The following RYR2 variants were observed in gnomAD, a reference collection of about 807,000 sequenced individuals.
RYR2 encodes the protein cardiac muscle ryanodine receptor-calcium release channel.
RYR2 carries 227 observed loss-of-function variants against 601.1 expected under a neutral mutation model. The observed-to-expected ratio is 0.38, with a 90% CI of 0.34 to 0.42. The LOEUF (loss-of-function observed/expected upper bound fraction) is 0.42, where lower values mean the gene tolerates loss of function less well. Ranked by LOEUF, RYR2 falls within the 10% of genes least tolerant of loss-of-function variation. The probability of loss-of-function intolerance (pLI) is 1.00; values close to 1 mark genes in which losing one functional copy is unlikely to be tolerated. For missense variants in RYR2, 4,646 were observed against 6,156.5 expected, an observed-to-expected ratio of 0.75 and a Z score of 8.21; for synonymous variants, 2,223 against 2,175.1, an observed-to-expected ratio of 1.02 and a Z score of -0.61.
Position 237,174,065 on chromosome 1 carries a change from A to C in RYR2, c.49-96432A>C, listed in dbSNP as rs78091434. ...GGGCAAGACTCCATCTCAAAAAACA[A>C]AAAAAAAAGAGTATTGGTGTCATTT... is the stretch of plus-strand genomic sequence containing the variant. On this transcript the variant is annotated intron_variant, in intron 1 of 104. Transcript: ENST00000366574. Among the ~76,000 whole-genome samples the C allele has an allele frequency of 4.1e-3, 3 of 726 alleles. No individual in the cohort carries two copies. The East Asian group carries it at 0.048, about 12-fold the overall frequency. The allele number at this position is 726 out of a possible 152,430, so 0.5% of individuals were successfully genotyped here.
chr1:237,106,495 GC>G lies in RYR2; in HGVS notation c.48+63927del, dbSNP rs1668699925. ...ATGATGTTTCACCAGCTAAGATGGA[GC>G]GGTCCTGGAAAGAGTGAAGATCAAG... is the stretch of plus-strand genomic sequence containing the variant. On this transcript the variant is annotated intron_variant, in intron 1 of 104. Coordinates refer to ENST00000366574, the MANE Select transcript of RYR2 (RefSeq NM_001035.3). The surrounding 1 kb of genome is among the most constrained non-coding windows in gnomAD (Gnocchi z 4.4). Among the ~76,000 whole-genome samples the G allele has an allele frequency of 6.6e-6, 1 of 152,226 alleles. No homozygotes were observed. Among genetic ancestry groups the G allele is most frequent in the African/African-American group, 2.4e-5 (1 of 41,454 alleles).
At chr1:237,081,279 A>T (rs199624022) in intron 1 of RYR2, among the ~76,000 whole-genome samples, 1 of 106,062 alleles carries the variant, frequency 9.4e-6, no homozygotes. Context: ...TTAGAGTATA[A>T]TAAAAAAAAA....
At chr1:237,799,175 A>G (rs1026708732) in intron 97 of RYR2, among the ~76,000 whole-genome samples, 2 of 152,168 alleles carry the variant, frequency 1.3e-5, no homozygotes, top group African/African-American at 2.4e-5. Flanking sequence ...CCAAAATATT[A>G]CTTGAGTACT....
intron 48 of RYR2, among the ~76,000 whole-genome samples, chr1:237,644,735 C>G (rs1047959534): frequency 1.3e-5 from 2 of 151,368 alleles, no homozygotes; most frequent in African/African-American, 4.9e-5. Flanking sequence ...AATTGTAGAA[C>G]AAAACATAAT....
At chr1:237,111,065 T>C (rs950131200) in intron 1 of RYR2, among the ~76,000 whole-genome samples, 4 of 152,166 alleles carry the variant, frequency 2.6e-5, no homozygotes, top group African/African-American at 9.7e-5. Context: ...TGAAGAGCAA[T>C]TGGGTCCTTT....
chr1:237,647,137 A>T lies in RYR2; in HGVS notation c.7343-1307A>T, dbSNP rs114741035. 4.0e-3 allele frequency among the ~76,000 whole-genome samples: 611 copies of T among 152,316 alleles called. 1 individual carries two copies. The highest frequency in any genetic ancestry group is 0.021 in the East Asian group (108 of 5,186). On this transcript the variant is annotated intron_variant, in intron 48 of 104. Coordinates refer to ENST00000366574, the MANE Select transcript of RYR2 (RefSeq NM_001035.3). Reference sequence around the variant, plus strand: ...GAAATTGAATTTTATATAGATTTTTAATTGAAAATCATAATATACTGATTT... The same window carrying T: ...GAAATTGAATTTTATATAGATTTTTTATTGAAAATCATAATATACTGATTT...
chr1:237,607,103 T>C (rs953561058), intron 35 of RYR2, among the ~76,000 whole-genome samples: 1 of 152,248 alleles, frequency 6.6e-6, no homozygotes. Context: ...TAAATCATGC[T>C]GTTATAAAGA....
chr1:237,441,873 C>T (rs1434390413), intron 13 of RYR2, among the ~76,000 whole-genome samples: 1 of 142,362 alleles, frequency 7.0e-6, no homozygotes, highest in Non-Finnish European at 1.5e-5. Flanking sequence ...AAACTAAACA[C>T]AATCTAAGGA....
chr1:237,665,231 T>C (rs1684200957), intron 56 of RYR2, among the ~76,000 whole-genome samples: 2 of 151,826 alleles, frequency 1.3e-5, no homozygotes, highest in East Asian at 1.9e-4. Context: ...AAACCCCGTC[T>C]CTACTAAAAA....
intron 1 of RYR2, among the ~76,000 whole-genome samples, chr1:237,185,774 C>A (rs998793299): frequency 6.6e-6 from 1 of 152,178 alleles, no homozygotes; most frequent in African/African-American, 2.4e-5. Flanking sequence ...GGCCGTTAGA[C>A]TTTTAGAGGT....
At chr1:237,640,757 C>T (rs940547400) in intron 46 of RYR2, 140 bp from the exon 47 acceptor site, 26 of 645,958 alleles carry the variant, frequency 4.0e-5, no homozygotes, top group Non-Finnish European at 6.7e-5. Context: ...AAACGTCAAG[C>T]TCTACATTAT....
chr1:237,191,119 A>G (rs1679922435), intron 1 of RYR2, among the ~76,000 whole-genome samples: 1 of 152,050 alleles, frequency 6.6e-6, no homozygotes, highest in African/African-American at 2.4e-5. Context: ...CAATTTCATT[A>G]TTTTGTTTGT....
chr1:237,350,589 A>T (rs1558665619), intron 3 of RYR2, among the ~76,000 whole-genome samples: 3 of 102,218 alleles, frequency 2.9e-5, no homozygotes, highest in African/African-American at 1.2e-4. Flanking sequence ...AAAAAAAAAA[A>T]AAAAAAAAAA....
Position 237,781,609 on chromosome 1 carries a change from G to T in RYR2, c.11925G>T (p.Gln3975His). The T allele has an allele frequency of 6.3e-7, 1 of 1,595,184 alleles. No homozygotes were observed. ...IELLKELMDL[Q>H]KDMVVMLLSM... is the part of the protein sequence containing the mutation. ...TATTAAAAGAATTAATGGATCTGCAGAAGGATATGGTGGTCATGTTGCTGT... is the reference window on the plus strand; with the variant it reads ...TATTAAAAGAATTAATGGATCTGCATAAGGATATGGTGGTCATGTTGCTGT... The change falls in exon 89 of 105, where the codon CAG becomes CAT. Residue 3975 changes from glutamine to histidine, a missense_variant. Physicochemically the swap from Gln to His is conservative, Grantham distance 24. This residue lies in a region of RYR2 where 90 missense variants were observed against 213.3 expected (regional missense o/e 0.42). Transcript: ENST00000366574.
intron 2 of RYR2, among the ~76,000 whole-genome samples, chr1:237,276,397 GC>G (rs1295322751): frequency 6.6e-6 from 1 of 152,154 alleles, no homozygotes; most frequent in Non-Finnish European, 1.5e-5. Flanking sequence ...ACCACGCCTG[GC>G]CTCAGTGCAT....
chr1:237,110,324 T>G (rs1669316352), intron 1 of RYR2, among the ~76,000 whole-genome samples: 1 of 151,982 alleles, frequency 6.6e-6, no homozygotes, highest in Non-Finnish European at 1.5e-5. Flanking sequence ...TGCAGGTTAG[T>G]TACATATGTA....
intron 25 of RYR2, among the ~76,000 whole-genome samples, chr1:237,546,097 G>A (rs1364961718): frequency 6.6e-6 from 1 of 151,648 alleles, no homozygotes; most frequent in Non-Finnish European, 1.5e-5. Context: ...AATGTCAGAA[G>A]TCTGTCGAAT....
At chr1:237,309,301 C>T (rs1008117878) in intron 2 of RYR2, among the ~76,000 whole-genome samples, 1 of 151,788 alleles carries the variant, frequency 6.6e-6, no homozygotes, top group Non-Finnish European at 1.5e-5. Flanking sequence ...TCCAAGTCCC[C>T]ACTAGATTAG....
intron 12 of RYR2, among the ~76,000 whole-genome samples, chr1:237,429,345 A>T (rs1359916263): frequency 2.6e-5 from 4 of 152,158 alleles, no homozygotes; most frequent in African/African-American, 9.7e-5. Flanking sequence ...ACACAGGGTT[A>T]TCTCTGCACC....
Sources: allele counts gnomAD v4.1 joint callset (sites outside exome capture counted in the v4.1 genomes callset), GRCh38; gene constraint gnomAD v4.1.1; regional missense constraint gnomAD v4.1.1; non-coding constraint Gnocchi (gnomAD v3.1); transcripts MANE v1.5; gene names NCBI Gene and HGNC (gene_info 2026-07-23, HGNC 2026-07-21).